LRRC4C: variants seen among roughly 807,000 people sequenced by gnomAD.
LRRC4C encodes the protein leucine rich repeat containing 4C, also known as leucine-rich repeat-containing protein 4C.
A neutral mutation model predicts 33.6 loss-of-function variants in LRRC4C; 5 were observed. The observed-to-expected ratio is 0.15, with a 90% CI of 0.08 to 0.31. The LOEUF (loss-of-function observed/expected upper bound fraction) is 0.31, where lower values mean the gene tolerates loss of function less well. Ranked by LOEUF, LRRC4C falls within the 10% of genes least tolerant of loss-of-function variation. The pLI is 1.00. For missense variants in LRRC4C, 560 were observed against 796.7 expected (o/e 0.70, Z 3.58); for synonymous variants, 329 against 302.0 (o/e 1.09, Z -0.93).
At chr11:40,797,991 T>G (rs1950898804) in intron 2 of LRRC4C, among the ~76,000 whole-genome samples, 1 of 152,214 alleles carries the variant, frequency 6.6e-6, no homozygotes, top group Non-Finnish European at 1.5e-5. Flanking sequence ...ATAAGATATT[T>G]TTGCCAAAAA....
At chr11:40,228,543 T>C (rs1304050067) in intron 5 of LRRC4C, among the ~76,000 whole-genome samples, 3 of 152,220 alleles carry the variant, frequency 2.0e-5, no homozygotes. Flanking sequence ...CAAATAATCC[T>C]ACATTCATCT....
chr11:40,788,704 T>C (rs1392345665), intron 2 of LRRC4C, among the ~76,000 whole-genome samples: 1 of 152,206 alleles, frequency 6.6e-6, no homozygotes, highest in Non-Finnish European at 1.5e-5. Flanking sequence ...GAAGTTATAA[T>C]GCTTCTCTCT....
At chr11:40,422,812 A>G (rs1252609584) in intron 3 of LRRC4C, among the ~76,000 whole-genome samples, 4 of 152,200 alleles carry the variant, frequency 2.6e-5, no homozygotes, top group African/African-American at 7.2e-5. Context: ...CACTTTGGAA[A>G]GTGATGAGAT....
intron 3 of LRRC4C, among the ~76,000 whole-genome samples, chr11:40,474,072 G>A (rs1953080440): frequency 6.9e-6 from 1 of 144,354 alleles, no homozygotes; most frequent in Non-Finnish European, 1.5e-5. Flanking sequence ...AGCTACCATT[G>A]ACTTTCTTCA....
At chr11:40,572,584 C>G (rs751942202) in intron 3 of LRRC4C, among the ~76,000 whole-genome samples, 1 of 152,112 alleles carries the variant, frequency 6.6e-6, no homozygotes, top group Non-Finnish European at 1.5e-5. Flanking sequence ...AATACAGGAG[C>G]ACATGTATCA....
At chr11:41,336,920 A>C (rs1202551705) in intron 1 of LRRC4C, among the ~76,000 whole-genome samples, 1 of 152,206 alleles carries the variant, frequency 6.6e-6, no homozygotes, top group East Asian at 1.9e-4. Flanking sequence ...AGACACAGAG[A>C]AACAGAGGCA....
chr11:40,502,792 G>A (rs757265931), intron 3 of LRRC4C, among the ~76,000 whole-genome samples: 9 of 152,040 alleles, frequency 5.9e-5, no homozygotes, highest in African/African-American at 2.2e-4. Flanking sequence ...CTTTGATCAC[G>A]ACTTGGTTTA....
chr11:40,259,175 T>A (rs1565196887), intron 4 of LRRC4C, among the ~76,000 whole-genome samples: 1 of 152,186 alleles, frequency 6.6e-6, no homozygotes, highest in Non-Finnish European at 1.5e-5. Context: ...AAAATACCCA[T>A]CCCTCATGTG....
intron 2 of LRRC4C, among the ~76,000 whole-genome samples, chr11:40,707,723 A>G (rs144282866): frequency 0.029 from 4,403 of 152,270 alleles, 216 homozygotes; most frequent in African/African-American, 0.1. Context: ...TGCTGGCCTC[A>G]TAAAATGAGT....
chr11:41,102,672 T>C (rs1941262013), intron 1 of LRRC4C, among the ~76,000 whole-genome samples: 1 of 152,032 alleles, frequency 6.6e-6, no homozygotes, highest in Non-Finnish European at 1.5e-5. Context: ...TTCAACTCAT[T>C]TCTCTCTTCC....
intron 3 of LRRC4C, among the ~76,000 whole-genome samples, chr11:40,554,934 G>C (rs899222596): frequency 7.0e-6 from 1 of 143,538 alleles, no homozygotes; most frequent in Non-Finnish European, 1.5e-5. Context: ...TGTTAGCCAG[G>C]ATGGTCTCGA....
At chr11:41,293,079 A>T (rs1950035321) in intron 1 of LRRC4C, among the ~76,000 whole-genome samples, 1 of 152,180 alleles carries the variant, frequency 6.6e-6, no homozygotes, top group Non-Finnish European at 1.5e-5. Context: ...ATACGATGTC[A>T]TAGAGGGACA....
chr11:40,911,890 G>A (rs947156699), intron 2 of LRRC4C, among the ~76,000 whole-genome samples: 3 of 152,168 alleles, frequency 2.0e-5, no homozygotes, highest in Admixed American at 6.5e-5. Flanking sequence ...CAAGAACTAC[G>A]TGATGAATGC....
intron 1 of LRRC4C, among the ~76,000 whole-genome samples, chr11:41,370,790 T>C (rs1289148139): frequency 6.6e-6 from 1 of 152,166 alleles, no homozygotes; most frequent in Non-Finnish European, 1.5e-5. Flanking sequence ...GCAATCCTCC[T>C]GCCTCAACTC....
chr11:40,555,759 TAG>T (rs1289016491), intron 3 of LRRC4C, among the ~76,000 whole-genome samples: 1 of 152,118 alleles, frequency 6.6e-6, no homozygotes, highest in African/African-American at 2.4e-5. Context: ...AAAAAAGCCC[TAG>T]AATTCAAAGG....
chr11:40,657,876 C>T (rs1006792327), intron 2 of LRRC4C, among the ~76,000 whole-genome samples: 1 of 152,136 alleles, frequency 6.6e-6, no homozygotes, highest in South Asian at 2.1e-4. Flanking sequence ...AAATAGGGAG[C>T]CTTCCACTTA....
intron 3 of LRRC4C, among the ~76,000 whole-genome samples, chr11:40,620,721 A>C (rs1019615154): frequency 6.6e-6 from 1 of 151,882 alleles, no homozygotes; most frequent in Non-Finnish European, 1.5e-5. Flanking sequence ...GTGTATTTAA[A>C]AGACAATGAT....
chr11:40,466,120 G>C (rs942647957), intron 3 of LRRC4C, among the ~76,000 whole-genome samples: 3 of 152,032 alleles, frequency 2.0e-5, no homozygotes, highest in African/African-American at 7.2e-5. Context: ...CTGAAATGTG[G>C]ATGGAATTGG....
At chr11:40,534,989 T>C (rs1381713305) in intron 3 of LRRC4C, among the ~76,000 whole-genome samples, 1 of 152,152 alleles carries the variant, frequency 6.6e-6, no homozygotes, top group Non-Finnish European at 1.5e-5. Flanking sequence ...ATATGGTCCA[T>C]GGAAAATGTT....
Sources: allele counts gnomAD v4.1 joint callset (sites outside exome capture counted in the v4.1 genomes callset), GRCh38; gene constraint gnomAD v4.1.1; transcripts MANE v1.5; gene names NCBI Gene and HGNC (gene_info 2026-07-23, HGNC 2026-07-21).